TAF1B: variants seen among roughly 807,000 people sequenced by gnomAD.
TAF1B encodes the protein TATA box-binding protein-associated factor RNA polymerase I subunit B.
TAF1B carries 61 observed loss-of-function variants against 83.9 expected under a neutral mutation model. That is an observed-to-expected ratio of 0.73 (90% CI 0.59 to 0.90). The LOEUF (loss-of-function observed/expected upper bound fraction) is 0.90. Ranked by LOEUF, TAF1B falls within the 40% of genes least tolerant of loss-of-function variation. TAF1B has a pLI of 0.00. For missense variants in TAF1B, 625 were observed against 677.0 expected, an observed-to-expected ratio of 0.92 and a Z score of 0.85; for synonymous variants, 221 against 224.6, an observed-to-expected ratio of 0.98 and a Z score of 0.14.
chr2:9,861,168 T>G (rs1663741459), intron 5 of TAF1B, among the ~76,000 whole-genome samples: 1 of 152,228 alleles, frequency 6.6e-6, no homozygotes, highest in Non-Finnish European at 1.5e-5. Flanking sequence ...ACCCGGGAAC[T>G]GCAAGGGGTC....
At chr2:9,872,558 C>A (rs980011848) in intron 6 of TAF1B, among the ~76,000 whole-genome samples, 1 of 152,092 alleles carries the variant, frequency 6.6e-6, no homozygotes. Flanking sequence ...TATCTGTATG[C>A]TTTCTGACTT....
intron 8 of TAF1B, among the ~76,000 whole-genome samples, chr2:9,895,899 T>C (rs1007313694): frequency 6.6e-6 from 1 of 150,824 alleles, no homozygotes; most frequent in African/African-American, 2.4e-5. Flanking sequence ...CACAGGAGCC[T>C]GCTGTTGTGT....
At chr2:9,874,900 C>G (rs1664274606) in intron 6 of TAF1B, among the ~76,000 whole-genome samples, 1 of 151,912 alleles carries the variant, frequency 6.6e-6, no homozygotes, top group South Asian at 2.1e-4. Flanking sequence ...AATTGTGTAT[C>G]CTTTCCTTTA....
At chr2:9,921,958 T>C (rs1665893457) in intron 14 of TAF1B, among the ~76,000 whole-genome samples, 1 of 152,228 alleles carries the variant, frequency 6.6e-6, no homozygotes, top group Non-Finnish European at 1.5e-5. Flanking sequence ...ACTAGACTAA[T>C]ATTCCCTCAC....
At chr2:9,884,378 A>G (rs1197926881) in intron 8 of TAF1B, among the ~76,000 whole-genome samples, 1 of 152,238 alleles carries the variant, frequency 6.6e-6, no homozygotes, top group African/African-American at 2.4e-5. Context: ...GGCATGTTTC[A>G]GACCTGTTTG....
intron 6 of TAF1B, among the ~76,000 whole-genome samples, chr2:9,871,425 T>G (rs1438334843): frequency 2.6e-5 from 4 of 152,090 alleles, no homozygotes; most frequent in African/African-American, 9.7e-5. Flanking sequence ...TCATTTTTCT[T>G]TTGTTGGAAT....
At chr2:9,911,843 G>C (rs1173838050) in intron 11 of TAF1B, among the ~76,000 whole-genome samples, 1 of 152,036 alleles carries the variant, frequency 6.6e-6, no homozygotes, top group Non-Finnish European at 1.5e-5. Context: ...GCAGCTTTGT[G>C]ACCATCCTGT....
In TAF1B at chr2:9,919,094, T is replaced by A; in HGVS notation, c.1325T>A (p.Val442Glu). ...TACTACTCATTTGTCGACAAACCAG[T>A]AGCATATAAAAAAAGAGGTAAGTCA... is the stretch of plus-strand genomic sequence containing the variant. ...PLYYSFVDKP[V>E]AYKKREMVVN... Residue 442 changes from valine (V) to glutamate (E), a missense_variant, in exon 13 of 15, where the codon GTA becomes GAA. Coordinates refer to ENST00000263663, the MANE Select transcript of TAF1B (RefSeq NM_005680.3). The A allele has an allele frequency of 6.2e-7, 1 of 1,614,060 alleles. No homozygotes were observed. Among genetic ancestry groups the A allele is most frequent in the Non-Finnish European group, 8.5e-7 (1 of 1,179,988 alleles).
chr2:9,864,284 G>GAAATACAGA (rs201425978), intron 5 of TAF1B, among the ~76,000 whole-genome samples: 1 of 149,852 alleles, frequency 6.7e-6, no homozygotes, highest in Non-Finnish European at 1.5e-5. Context: ...CGATCCCACA[G>GAAATACAGA]CTACCATCAG....
At chr2:9,861,028 G>T (rs976348657) in intron 5 of TAF1B, among the ~76,000 whole-genome samples, 1 of 152,226 alleles carries the variant, frequency 6.6e-6, no homozygotes, top group African/African-American at 2.4e-5. Context: ...GAGCAGCGCA[G>T]AAGACGGGTG....
At chr2:9,866,018 AGGCAT>A (rs1212620932) in intron 5 of TAF1B, among the ~76,000 whole-genome samples, 1 of 152,030 alleles carries the variant, frequency 6.6e-6, no homozygotes, top group Non-Finnish European at 1.5e-5. Context: ...TTCAGGACAT[AGGCAT>A]GGGCAAGGAC....
Position 9,875,912 on chromosome 2 carries a change from C to G in TAF1B, c.601C>G (p.Arg201Gly), listed in dbSNP as rs138664395. 1 of 1,612,340 alleles carries G rather than the reference C, an allele frequency of 6.2e-7. No homozygotes were observed. Among genetic ancestry groups the G allele is most frequent in the South Asian group, 1.1e-5 (1 of 90,828 alleles). ...GSLDGVEYSQ[R>G]KEKGIVKMTM... Reference sequence around the variant, plus strand: ...TCTGGATGGAGTTGAATACTCACAACGAAAGGAGAAGGGAATCGTGAAGAT... The same window carrying G: ...TCTGGATGGAGTTGAATACTCACAAGGAAAGGAGAAGGGAATCGTGAAGAT... Residue 201 changes from arginine (R) to glycine (G), a missense_variant, in exon 7 of 15, where the codon CGA becomes GGA. Coordinates refer to ENST00000263663, the MANE Select transcript of TAF1B (RefSeq NM_005680.3).
In TAF1B at chr2:9,933,794, A is replaced by G; in HGVS notation, c.1577A>G (p.His526Arg). Reference sequence around the variant, plus strand: ...TTTTTCCCTTCTAGCTATTGTACACATGTGACAACCTATGAAGAATCAAAT... The same window carrying G: ...TTTTTCCCTTCTAGCTATTGTACACGTGTGACAACCTATGAAGAATCAAAT... ...TQKFCRCYCT[H>R]VTTYEESNYS... Residue 526 changes from histidine (H) to arginine (R), a missense_variant, in exon 15 of 15, where the codon CAT becomes CGT. Physicochemically the swap from His to Arg is conservative, Grantham distance 29 (BLOSUM62 0). Coordinates refer to ENST00000263663, the MANE Select transcript of TAF1B (RefSeq NM_005680.3). 1 of 1,611,174 alleles carries G rather than the reference A, an allele frequency of 6.2e-7. No homozygotes were observed. Among genetic ancestry groups the G allele is most frequent in the Non-Finnish European group, 8.5e-7 (1 of 1,179,042 alleles).
intron 5 of TAF1B, among the ~76,000 whole-genome samples, chr2:9,862,256 T>C (rs1663795690): frequency 6.6e-6 from 1 of 152,140 alleles, no homozygotes; most frequent in Non-Finnish European, 1.5e-5. Context: ...TTAAAGGACC[T>C]GATGGAGCTG....
intron 12 of TAF1B, 45 bp downstream of exon 12, chr2:9,913,294 G>A (rs765008865): frequency 3.4e-6 from 5 of 1,468,152 alleles, no homozygotes; most frequent in Admixed American, 3.4e-5. Context: ...TTACTTCTGT[G>A]TCTGTTACTT....
rs543041483 is a variant in TAF1B, at chr2:9,846,165, A to T, written c.117+847A>T. 3.3e-4 allele frequency: 154 copies of T among 466,580 alleles called. 3 individuals carry two copies. Among genetic ancestry groups the T allele is most frequent in the African/African-American group, 2.8e-3 (139 of 49,956 alleles). The allele number at this position is 466,580 out of a possible 1,614,324, so 28.9% of individuals were successfully genotyped here. A position where few individuals can be genotyped will look rare whatever the true frequency, so the allele number is the denominator to read the frequency against. On this transcript the variant is annotated intron_variant, in intron 2 of 14. Coordinates refer to ENST00000263663, the MANE Select transcript of TAF1B (RefSeq NM_005680.3). ...GAAGTTGAGTGAGTTTGCCAAAGTT[A>T]CCCAAGTACCAGGACTTGAATGTGA...
intron 5 of TAF1B, among the ~76,000 whole-genome samples, chr2:9,863,752 A>G (rs1299283436): frequency 6.6e-6 from 1 of 152,266 alleles, no homozygotes; most frequent in Non-Finnish European, 1.5e-5. Context: ...ACTGTCTTTC[A>G]GACCACAGTG....
Position 9,933,896 on chromosome 2 carries a change from A to C in TAF1B, c.1679A>C (p.Glu560Ala), listed in dbSNP as rs761746332. The part of the protein sequence containing the change: ...LRIKTSLLHE[E>A]VSLVEKKLFE... ...ATAAAGACTTCCCTTCTCCATGAAG[A>C]AGTGAGCTTAGTTGAGAAGAAACTT... The change falls in exon 15 of 15, where the codon GAA becomes GCA. Residue 560 changes from glutamate to alanine, a missense_variant. Transcript: ENST00000263663. 8 of 1,613,738 alleles carry C rather than the reference A, an allele frequency of 5.0e-6. No individual in the cohort carries two copies. The highest frequency in any genetic ancestry group is 3.3e-5 in the Admixed American group (2 of 59,986).
chr2:9,905,523 A>G (rs1423608632), intron 9 of TAF1B, among the ~76,000 whole-genome samples: 1 of 152,184 alleles, frequency 6.6e-6, no homozygotes, highest in African/African-American at 2.4e-5. Flanking sequence ...AGGCAGTGAA[A>G]CATAGAATGT....
Sources: gnomAD v4.1 joint callset for allele counts (sites outside exome capture counted in the v4.1 genomes callset) on GRCh38, gnomAD v4.1.1 for gene constraint, MANE v1.5 for transcripts, NCBI Gene and HGNC (gene_info 2026-07-23, HGNC 2026-07-21) for gene names.